The following PRKD1 variants were observed in gnomAD, a reference collection of about 807,000 sequenced individuals.
PRKD1 encodes protein kinase D1.
In PRKD1, 63 loss-of-function variants were observed where a neutral mutation model predicts 95.9. The ratio of observed to expected loss-of-function variants is 0.66; its 90% CI spans 0.54 to 0.81. PRKD1 has a LOEUF of 0.81. Ranked by LOEUF, PRKD1 falls within the 30% of genes least tolerant of loss-of-function variation. The pLI is 0.00. For synonymous variants in PRKD1, 425 were observed against 423.1 expected (o/e 1.00, Z -0.05); for missense variants, 1,048 against 1,165.3 (o/e 0.90, Z 1.47).
intron 4 of PRKD1, among the ~76,000 whole-genome samples, chr14:29,643,271 A>C: frequency 6.9e-6 from 1 of 145,694 alleles, no homozygotes; most frequent in Admixed American, 6.7e-5. Context: ...TTGTGTTAGA[A>C]GTGTAAGAGT....
intron 1 of PRKD1, among the ~76,000 whole-genome samples, chr14:29,821,978 T>C (rs1320150251): frequency 6.6e-6 from 1 of 152,170 alleles, no homozygotes; most frequent in Non-Finnish European, 1.5e-5. Context: ...TGCAATCATC[T>C]ACCCTCTCAT....
At chr14:29,650,830 A>G (rs1881447887) in intron 4 of PRKD1, among the ~76,000 whole-genome samples, 1 of 152,232 alleles carries the variant, frequency 6.6e-6, no homozygotes. Flanking sequence ...CAGCAAGAAG[A>G]AAAACAGAAA....
chr14:29,684,931 A>G (rs1324507759), intron 2 of PRKD1, among the ~76,000 whole-genome samples: 3 of 152,210 alleles, frequency 2.0e-5, no homozygotes, highest in Non-Finnish European at 4.4e-5. Context: ...TCTAAATTCC[A>G]AAAGACCCTT....
At chr14:29,782,028 A>G (rs45455297) in intron 1 of PRKD1, among the ~76,000 whole-genome samples, 1 of 152,338 alleles carries the variant, frequency 6.6e-6, no homozygotes, top group East Asian at 1.9e-4. Context: ...ATGTGCATCT[A>G]CAATATATGC....
At chr14:29,579,870 C>T (rs1892697102) in intron 16 of PRKD1, among the ~76,000 whole-genome samples, 1 of 152,122 alleles carries the variant, frequency 6.6e-6, no homozygotes, top group African/African-American at 2.4e-5. Flanking sequence ...TTTCATATTC[C>T]AAGCATGTGT....
In PRKD1 at chr14:29,856,519, T is replaced by C. The variant is rs183381891; in HGVS notation, c.264+70730A>G. On this transcript the variant is annotated intron_variant, in intron 1 of 17. Transcript: ENST00000331968. ...TGTCTCATGGAGAAGGAAATACAAA[T>C]AGATAATTTTAGTGCCAGTTTTATC... 9.4e-4 allele frequency among the ~76,000 whole-genome samples: 143 copies of C among 152,276 alleles called. 3 individuals are homozygous for C. Among genetic ancestry groups the C allele is most frequent in the African/African-American group, 3.3e-3 (138 of 41,572 alleles).
chr14:29,615,290 T>C (rs1878777543), intron 13 of PRKD1, among the ~76,000 whole-genome samples: 1 of 152,152 alleles, frequency 6.6e-6, no homozygotes, highest in Non-Finnish European at 1.5e-5. Flanking sequence ...ATACCAATAT[T>C]TTCCATCCAC....
At chr14:29,884,624 T>G (rs1267172066) in intron 1 of PRKD1, among the ~76,000 whole-genome samples, 1 of 152,132 alleles carries the variant, frequency 6.6e-6, no homozygotes, top group African/African-American at 2.4e-5. Flanking sequence ...GACAAATATA[T>G]CTAAAAAGAA....
intron 2 of PRKD1, among the ~76,000 whole-genome samples, chr14:29,721,859 C>T (rs1885913737): frequency 6.6e-6 from 1 of 152,036 alleles, no homozygotes; most frequent in Non-Finnish European, 1.5e-5. Context: ...GCAATCTTTT[C>T]CTGGCTTACT....
chr14:29,655,012 C>T (rs1034325213), intron 4 of PRKD1, among the ~76,000 whole-genome samples: 3 of 152,206 alleles, frequency 2.0e-5, no homozygotes, highest in African/African-American at 7.2e-5. Context: ...GGCCTGGTTG[C>T]TTTTAATTTG....
chr14:29,699,261 A>G (rs920469241), intron 2 of PRKD1, among the ~76,000 whole-genome samples: 1 of 152,200 alleles, frequency 6.6e-6, no homozygotes, highest in South Asian at 2.1e-4. Flanking sequence ...GAGCTTTACC[A>G]ATTTACCTTC....
In PRKD1 at chr14:29,927,306, G is replaced by A; in HGVS notation, c.207C>T (p.Ser69=). The stretch of plus-strand genomic sequence containing the variant: ...GGACGTGCGCCAGGCTGTAGTCCCC[G>A]GACGAGTCCTGCAGCAGCAGCACCG... ...REPVLLLQDS[S]GDYSLAHVRE... The change falls in exon 1 of 18, where the codon TCC becomes TCT. Residue 69 remains serine, a synonymous_variant. Transcript: ENST00000331968. The A allele has an allele frequency of 2.1e-5, 33 of 1,553,342 alleles. No homozygotes were observed. Among genetic ancestry groups the A allele is most frequent in the Non-Finnish European group, 2.7e-5 (31 of 1,151,512 alleles).
At chr14:29,614,806 C>T (rs1878733387) in intron 13 of PRKD1, among the ~76,000 whole-genome samples, 1 of 150,862 alleles carries the variant, frequency 6.6e-6, no homozygotes, top group Non-Finnish European at 1.5e-5. Flanking sequence ...TCTCGTGCTT[C>T]AACCTCCTGT....
chr14:29,880,972 G>T (rs950347526), intron 1 of PRKD1, among the ~76,000 whole-genome samples: 1 of 152,174 alleles, frequency 6.6e-6, no homozygotes, highest in Non-Finnish European at 1.5e-5. Context: ...CAGGCTCATA[G>T]GTGAAAGGAA....
intron 13 of PRKD1, among the ~76,000 whole-genome samples, chr14:29,601,676 G>A (rs1434040864): frequency 6.6e-6 from 1 of 152,182 alleles, no homozygotes; most frequent in Non-Finnish European, 1.5e-5. Flanking sequence ...ATAGCCAGAT[G>A]GCTTTGAGTA....
At chr14:29,819,432 T>TGTAA (rs1890819116) in intron 1 of PRKD1, among the ~76,000 whole-genome samples, 1 of 152,244 alleles carries the variant, frequency 6.6e-6, no homozygotes, top group South Asian at 2.1e-4. Context: ...GGCTCATGCC[T>TGTAA]GTAATCCCAG....
chr14:29,872,656 TAAAAAAAAAA>T (rs535984977), intron 1 of PRKD1, among the ~76,000 whole-genome samples: 1 of 118,940 alleles, frequency 8.4e-6, no homozygotes, highest in African/African-American at 3.1e-5. Context: ...ACTTTGTCTC[TAAAAAAAAAA>T]AAAAAGAAAA....
At position 29,633,648 on chromosome 14, in the gene PRKD1, G is replaced by A. The variant is rs150006221; in HGVS notation, c.1315-702C>T. 1.7e-3 allele frequency among the ~76,000 whole-genome samples: 266 copies of A among 152,130 alleles called. 4 individuals are homozygous for A. In the South Asian group the frequency reaches 0.018, roughly 10 times the overall value. ...AAAGACCCCAAAGCTCTATGATTCC[G>A]CTCTTCTCCTCCACAACCAATTTTA... On this transcript the variant is annotated intron_variant, in intron 8 of 17. Coordinates refer to ENST00000331968, the MANE Select transcript of PRKD1 (RefSeq NM_002742.3).
intron 12 of PRKD1, among the ~76,000 whole-genome samples, chr14:29,626,237 T>A (rs921542222): frequency 6.6e-6 from 1 of 152,184 alleles, no homozygotes; most frequent in South Asian, 2.1e-4. Context: ...TGTGTACAGT[T>A]TGCCTATATT....
Sources: gnomAD v4.1 joint callset for allele counts (sites outside exome capture counted in the v4.1 genomes callset) on GRCh38, gnomAD v4.1.1 for gene constraint, MANE v1.5 for transcripts, NCBI Gene and HGNC (gene_info 2026-07-23, HGNC 2026-07-21) for gene names.